The following USP20 variants were observed in gnomAD, a reference collection of about 807,000 sequenced individuals.
USP20 encodes the protein ubiquitin specific peptidase 20.
Under a neutral mutation model 124.2 loss-of-function variants are expected in USP20, and 80 were observed. The ratio of observed to expected loss-of-function variants is 0.64; its 90% confidence interval spans 0.54 to 0.78. The LOEUF is 0.78. Among genes scored for constraint, USP20 ranks in the 30% least tolerant of loss-of-function variants. The pLI, the probability that USP20 is intolerant of heterozygous loss-of-function variation, is 0.00. For missense variants in USP20, 1,043 were observed against 1,244.4 expected (o/e 0.84, Z 2.44); for synonymous variants, 481 against 512.3 (o/e 0.94, Z 0.83).
intron 10 of USP20, among the ~76,000 whole-genome samples, chr9:129,867,398 T>C (rs2033870193): frequency 6.6e-6 from 1 of 152,142 alleles, no homozygotes; most frequent in Admixed American, 6.5e-5. Context: ...AGGGGCAGCT[T>C]AGACTGAGTC....
chr9:129,859,582 T>A (rs1424065703), intron 6 of USP20, among the ~76,000 whole-genome samples: 3 of 152,022 alleles, frequency 2.0e-5, no homozygotes, highest in African/African-American at 7.2e-5. Flanking sequence ...CCTCTCCTTC[T>A]GTTTAGACAG....
In USP20 at chr9:129,879,645, G is replaced by T. The variant is rs1370851589; in HGVS notation, c.2584+1G>T. On this transcript the variant is annotated splice_donor_variant, in intron 24 of 25. Coordinates refer to ENST00000372429, the MANE Select transcript of USP20 (RefSeq NM_001110303.4). LOFTEE classifies it high-confidence loss of function. The surrounding 1 kb of genome is among the most constrained non-coding windows in gnomAD (Gnocchi z 4.2). ...AGCGGCCATGTCCAGCTGAAGCAGG[G>T]TGAGTTCCCCCTGGGGTCAGCCAGG... The T allele has an allele frequency of 1.2e-6, 2 of 1,613,910 alleles. No homozygotes were observed. The highest frequency in any genetic ancestry group is 1.7e-6 in the Non-Finnish European group (2 of 1,179,986).
intron 3 of USP20, among the ~76,000 whole-genome samples, chr9:129,853,149 C>T (rs2033020481): frequency 6.6e-6 from 1 of 152,036 alleles, no homozygotes; most frequent in Non-Finnish European, 1.5e-5. Context: ...GCCCACCCTC[C>T]CCAGCCCACC....
At chr9:129,875,995 C>T (rs1198657455) in intron 21 of USP20, 135 bp from the exon 22 acceptor site, 1 of 771,986 alleles carries the variant, frequency 1.3e-6, no homozygotes, top group Non-Finnish European at 2.1e-6. Flanking sequence ...GTGGTGCTCA[C>T]ACAGAGGTGC....
Position 129,879,761 on chromosome 9 carries a change from C to A in USP20, c.2584+117C>A. 1 of 1,219,838 alleles carries A rather than the reference C, an allele frequency of 8.2e-7. No individual in the cohort carries two copies. Among genetic ancestry groups the A allele is most frequent in the East Asian group, 2.5e-5 (1 of 40,580 alleles). The allele number at this position is 1,219,838 out of a possible 1,614,324, so 75.6% of individuals were successfully genotyped here. Reference sequence around the variant, plus strand: ...CACCTGTCTTAGAGTCAGGCTGAGACGTCCACCTGAGTCCAGACCCAGGCG... The same window carrying A: ...CACCTGTCTTAGAGTCAGGCTGAGAAGTCCACCTGAGTCCAGACCCAGGCG... On this transcript the variant is annotated intron_variant, in intron 24 of 25. Transcript: ENST00000372429. This position sits in a 1 kb window ranked among gnomAD's most constrained non-coding sequence, Gnocchi z 4.2.
chr9:129,852,277 C>T (rs763167749), intron 2 of USP20, among the ~76,000 whole-genome samples: 1 of 151,902 alleles, frequency 6.6e-6, no homozygotes, highest in African/African-American at 2.4e-5. Flanking sequence ...TGTCACCTGC[C>T]ATGGGCTTTC....
chr9:129,878,239 G>A (rs1438758076), intron 22 of USP20, 99 bp from the exon 23 acceptor site: 1 of 937,760 alleles, frequency 1.1e-6, no homozygotes, highest in East Asian at 2.6e-5. Context: ...TAAGACTCTT[G>A]GGTGAGGGAC....
At chr9:129,875,902 G>C (rs2034378612) in intron 21 of USP20, among the ~76,000 whole-genome samples, 1 of 150,344 alleles carries the variant, frequency 6.7e-6, no homozygotes, top group South Asian at 2.1e-4. Flanking sequence ...CTGAAGCACA[G>C]CTGAGTGTGT....
At chr9:129,858,250 A>G in intron 5 of USP20, 138 bp downstream of exon 5, 1 of 1,147,822 alleles carries the variant, frequency 8.7e-7, no homozygotes, top group Non-Finnish European at 1.3e-6. Flanking sequence ...GCAAAGAAGC[A>G]AGAGAGAATG....
rs758962823 is a variant in USP20, at chr9:129,879,595, C to T, written c.2535C>T (p.Asn845=). 8.7e-6 allele frequency: 14 copies of T among 1,613,692 alleles called. No homozygotes were observed. Among genetic ancestry groups the T allele is most frequent in the African/African-American group, 1.3e-5 (1 of 74,924 alleles). The change falls in exon 24 of 26, where the codon AAC becomes AAT. Residue 845 remains asparagine, a synonymous_variant. Coordinates refer to ENST00000372429, the MANE Select transcript of USP20 (RefSeq NM_001110303.4). This position sits in a 1 kb window ranked among gnomAD's most constrained non-coding sequence, Gnocchi z 4.2. ...KDNEPPGPID[N]SRIAQVKGSG... The stretch of plus-strand genomic sequence containing the variant: ...CAGAGCCCCCCGGGCCCATTGACAA[C>T]AGCAGGATTGCACAGGTCAAAGGAA...
Position 129,868,319 on chromosome 9 carries a change from C to T in USP20, c.1005C>T (p.Gly335=). The T allele has an allele frequency of 6.2e-7, 1 of 1,613,780 alleles. No individual in the cohort carries two copies. The highest frequency in any genetic ancestry group is 8.5e-7 in the Non-Finnish European group (1 of 1,179,956). The change falls in exon 11 of 26, where the codon GGC becomes GGT. Residue 335 remains glycine, a synonymous_variant. Transcript: ENST00000372429. The part of the protein sequence containing the change: ...ERMKDRKFSW[G]QQRTNSEQVD... ...TGAAGGACCGCAAGTTCTCCTGGGG[C>T]CAGCAGCGTACAAACTCGGAGCAAG...
chr9:129,868,583 C>T, intron 11 of USP20, 134 bp downstream of exon 11: 1 of 1,438,898 alleles, frequency 6.9e-7, no homozygotes, highest in Non-Finnish European at 9.1e-7. Context: ...GGGAAGTCAG[C>T]CTCCGGGGGG....
At chr9:129,874,490 C>T in intron 17 of USP20, 86 bp from the exon 18 acceptor site, 3 of 1,540,090 alleles carry the variant, frequency 1.9e-6, no homozygotes, top group Non-Finnish European at 2.7e-6. Context: ...TGCATGATCC[C>T]ATCAGCTGTC....
At chr9:129,851,797 G>A (rs2032933341) in intron 2 of USP20, among the ~76,000 whole-genome samples, 1 of 150,458 alleles carries the variant, frequency 6.6e-6, no homozygotes, top group African/African-American at 2.5e-5. Context: ...TTAGACAGAA[G>A]CAACAGAGCT....
At chr9:129,873,248 T>A (rs112827210) in intron 15 of USP20, among the ~76,000 whole-genome samples, 2 of 151,856 alleles carry the variant, frequency 1.3e-5, no homozygotes, top group African/African-American at 2.4e-5. Context: ...CACGTCCAGC[T>A]AATTTTTGTA....
In USP20 at chr9:129,854,208, A is replaced by G. The variant is rs565393021; in HGVS notation, c.81+1572A>G. On this transcript the variant is annotated intron_variant, in intron 3 of 25. Coordinates refer to ENST00000372429, the MANE Select transcript of USP20 (RefSeq NM_001110303.4). ...GGGCCACTCACGTTGTGGTAGGGCTAGGAATTACCGTAACTTTTAGGGAAA... is the reference window on the plus strand; with the variant it reads ...GGGCCACTCACGTTGTGGTAGGGCTGGGAATTACCGTAACTTTTAGGGAAA... Among the ~76,000 whole-genome samples the G allele has an allele frequency of 5.9e-5, 9 of 152,364 alleles. No homozygotes were observed. The South Asian group carries it at 1.7e-3, about 28-fold the overall frequency.
At chr9:129,846,247 A>ATATATATATGTATTTTTTTT (rs1554742656) in intron 1 of USP20, among the ~76,000 whole-genome samples, 4 of 32,664 alleles carry the variant, frequency 1.2e-4, no homozygotes, top group East Asian at 2.1e-3. Flanking sequence ...ATATATATAT[A>ATATATATATGTATTTTTTTT]TTTTTTTTTT....
intron 15 of USP20, among the ~76,000 whole-genome samples, chr9:129,872,920 C>T (rs539473573): frequency 5.3e-5 from 8 of 151,932 alleles, no homozygotes; most frequent in Non-Finnish European, 1.2e-4. Context: ...TGCCTTTTGC[C>T]TTTTAATTTT....
In USP20 at chr9:129,852,646, C is replaced by T. The variant is rs1285853987; in HGVS notation, c.81+10C>T. 2 of 1,578,674 alleles carry T rather than the reference C, an allele frequency of 1.3e-6. No individual in the cohort carries two copies. The highest frequency in any genetic ancestry group is 1.7e-6 in the Non-Finnish European group (2 of 1,160,620). On this transcript the variant is annotated intron_variant, in intron 3 of 25. Transcript: ENST00000372429. ...GCTGCTCAAATCTAAGGTAAAGGGT[C>T]AGACCTTACGGGGCCAGGGCCCACA...
Sources: gnomAD v4.1 joint callset for allele counts (sites outside exome capture counted in the v4.1 genomes callset) on GRCh38, gnomAD v4.1.1 for gene constraint, Gnocchi (gnomAD v3.1) non-coding constraint, MANE v1.5 for transcripts, NCBI Gene and HGNC (gene_info 2026-07-23, HGNC 2026-07-21) for gene names.